The following CDH13 variants were observed in gnomAD, a reference collection of about 807,000 sequenced individuals.
The protein encoded by CDH13 is cadherin-13.
In CDH13, 24 loss-of-function variants were observed where a neutral mutation model predicts 63.8. The observed-to-expected ratio is 0.38, with a 90% CI of 0.27 to 0.53. The LOEUF (loss-of-function observed/expected upper bound fraction) is 0.53, where lower values mean the gene tolerates loss of function less well. CDH13 is among the 20% of genes least tolerant of loss of function. CDH13 has a pLI of 0.85. For missense variants in CDH13, 1,049 were observed against 903.1 expected (o/e 1.16, Z -2.07); for synonymous variants, 503 against 355.3 (o/e 1.42, Z -4.67).
chr16:82,665,302 G>T (rs540233476), intron 1 of CDH13, among the ~76,000 whole-genome samples: 29 of 152,276 alleles, frequency 1.9e-4, no homozygotes, highest in East Asian at 3.9e-4. Flanking sequence ...GAAAATGCAT[G>T]TGTTAGATAA....
intron 5 of CDH13, among the ~76,000 whole-genome samples, chr16:83,262,055 C>T (rs1167495418): frequency 6.6e-6 from 1 of 152,182 alleles, no homozygotes; most frequent in Non-Finnish European, 1.5e-5. Context: ...TTCACGCTGG[C>T]ACACTGAGAA....
chr16:83,333,108 G>A (rs2090513373), intron 5 of CDH13, among the ~76,000 whole-genome samples: 1 of 152,106 alleles, frequency 6.6e-6, no homozygotes, highest in African/African-American at 2.4e-5. Context: ...TCAAGCGGGG[G>A]ATAAATGAAG....
At chr16:83,568,522 T>C (rs919751363) in intron 7 of CDH13, among the ~76,000 whole-genome samples, 7 of 152,238 alleles carry the variant, frequency 4.6e-5, no homozygotes, top group African/African-American at 1.4e-4. Context: ...CGTAGTTCAA[T>C]GTGCTTTGGC....
At chr16:83,291,565 T>G (rs1006844585) in intron 5 of CDH13, among the ~76,000 whole-genome samples, 1 of 151,266 alleles carries the variant, frequency 6.6e-6, no homozygotes, top group Admixed American at 6.6e-5. Flanking sequence ...GTTAACCCTA[T>G]GCAAAAATAA....
chr16:82,713,925 A>G (rs1380122300), intron 1 of CDH13, among the ~76,000 whole-genome samples: 1 of 152,052 alleles, frequency 6.6e-6, no homozygotes, highest in Non-Finnish European at 1.5e-5. Context: ...CGGGATAAGT[A>G]CTCAAATCAT....
At chr16:82,764,707 A>T (rs2034983691) in intron 1 of CDH13, among the ~76,000 whole-genome samples, 1 of 152,246 alleles carries the variant, frequency 6.6e-6, no homozygotes, top group South Asian at 2.1e-4. Flanking sequence ...TGAAAGACAC[A>T]AATTCAGGAG....
chr16:83,784,076 T>A (rs570521012), intron 13 of CDH13, among the ~76,000 whole-genome samples: 71 of 152,344 alleles, frequency 4.7e-4, no homozygotes, highest in Non-Finnish European at 8.7e-4. Context: ...ATTCCTTATT[T>A]ATGAAATACT....
intron 1 of CDH13, among the ~76,000 whole-genome samples, chr16:82,837,662 C>T (rs544206319): frequency 5.9e-5 from 9 of 152,246 alleles, no homozygotes; most frequent in African/African-American, 2.2e-4. Context: ...ATGGTGACAC[C>T]GTGTGTGAAA....
chr16:82,887,307 C>G (rs770793741), intron 2 of CDH13, among the ~76,000 whole-genome samples: 1 of 152,140 alleles, frequency 6.6e-6, no homozygotes, highest in African/African-American at 2.4e-5. Flanking sequence ...TTGCTGATTC[C>G]TGGTCTAAAT....
At chr16:82,924,838 T>A (rs758314463) in intron 2 of CDH13, among the ~76,000 whole-genome samples, 1 of 152,288 alleles carries the variant, frequency 6.6e-6, no homozygotes, top group East Asian at 1.9e-4. Flanking sequence ...GCACAAACTT[T>A]CTCAGATGTT....
intron 1 of CDH13, chr16:82,688,905 C>T (rs1353215751): frequency 6.6e-6 from 1 of 152,006 alleles, no homozygotes; most frequent in Non-Finnish European, 1.5e-5. Flanking sequence ...CAAATAGGAC[C>T]CAGAGAGGGG....
intron 6 of CDH13, among the ~76,000 whole-genome samples, chr16:83,455,555 C>T (rs1247376410): frequency 6.6e-6 from 1 of 152,208 alleles, no homozygotes; most frequent in African/African-American, 2.4e-5. Flanking sequence ...GGAGCTTCAG[C>T]CATTGCTACA....
intron 2 of CDH13, among the ~76,000 whole-genome samples, chr16:82,938,580 C>T (rs1421817586): frequency 6.6e-6 from 1 of 152,178 alleles, no homozygotes; most frequent in Non-Finnish European, 1.5e-5. Flanking sequence ...GAGTCTAAGA[C>T]ACTGGTCCAG....
chr16:82,844,030 G>A (rs2039144465), intron 1 of CDH13, among the ~76,000 whole-genome samples: 2 of 152,170 alleles, frequency 1.3e-5, no homozygotes, highest in Admixed American at 1.3e-4. Context: ...GCTTCTCATG[G>A]GCTGTGGTAG....
intron 10 of CDH13, chr16:83,735,515 C>G (rs1367352360): frequency 6.6e-6 from 1 of 152,128 alleles, no homozygotes; most frequent in Non-Finnish European, 1.5e-5. Flanking sequence ...TACATAGAAA[C>G]TTTGATCAAC....
chr16:83,251,101 G>A (rs1448050680), intron 5 of CDH13, among the ~76,000 whole-genome samples: 1 of 152,054 alleles, frequency 6.6e-6, no homozygotes, highest in Admixed American at 6.5e-5. Flanking sequence ...GGAACTTCCT[G>A]ATGGAGATGG....
At chr16:82,707,282 A>G (rs913607876) in intron 1 of CDH13, among the ~76,000 whole-genome samples, 1 of 152,216 alleles carries the variant, frequency 6.6e-6, no homozygotes, top group Non-Finnish European at 1.5e-5. Flanking sequence ...TCATTTTGTT[A>G]TGGAGATTTC....
chr16:83,523,754 G>C (rs1056649608), intron 7 of CDH13, among the ~76,000 whole-genome samples: 1 of 152,272 alleles, frequency 6.6e-6, no homozygotes, highest in African/African-American at 2.4e-5. Flanking sequence ...CCCATTCTGT[G>C]GCATGGTTGC....
chr16:82,896,770 CTTTTTTTTTTTTTTT>C (rs71382855), intron 2 of CDH13, among the ~76,000 whole-genome samples: 4 of 55,516 alleles, frequency 7.2e-5, no homozygotes, highest in East Asian at 7.1e-4. Flanking sequence ...CTGTGCAATT[CTTTTTTTTTTTTTTT>C]TTTTTTTTTT....
Sources: allele counts gnomAD v4.1 joint callset (sites outside exome capture counted in the v4.1 genomes callset), GRCh38; gene constraint gnomAD v4.1.1; transcripts MANE v1.5; gene names NCBI Gene and HGNC (gene_info 2026-07-23, HGNC 2026-07-21).